Variants in RAB11FIP2 observed in about 807,000 individuals in gnomAD.
RAB11FIP2 encodes rab11 family-interacting protein 2.
In RAB11FIP2, 16 loss-of-function variants were observed where a neutral mutation model predicts 40.9. The ratio of observed to expected loss-of-function variants is 0.39; its 90% CI spans 0.26 to 0.59. The LOEUF (loss-of-function observed/expected upper bound fraction) is 0.59, where lower values mean the gene tolerates loss of function less well. Among genes scored for constraint, RAB11FIP2 ranks in the 20% least tolerant of loss-of-function variants. The pLI is 0.53. For missense variants in RAB11FIP2, 532 were observed against 606.2 expected, an observed-to-expected ratio of 0.88 and a Z score of 1.28; for synonymous variants, 228 against 213.7, an observed-to-expected ratio of 1.07 and a Z score of -0.58.
intron 4 of RAB11FIP2, among the ~76,000 whole-genome samples, chr10:118,012,772 A>G (rs1330073171): frequency 6.6e-6 from 1 of 152,058 alleles, no homozygotes; most frequent in African/African-American, 2.4e-5. Context: ...AAAGTGCTCA[A>G]TATTTTTTCT....
rs1846539793 is a variant in RAB11FIP2 at position 118,040,344 on chromosome 10, T to C, written c.575A>G (p.His192Arg). 6.2e-7 allele frequency: 1 copy of C among 1,613,874 alleles called. No individual in the cohort carries two copies. Among genetic ancestry groups the C allele is most frequent in the Non-Finnish European group, 8.5e-7 (1 of 1,179,782 alleles). The change falls in exon 2 of 5, where the codon CAC becomes CGC. Residue 192 changes from histidine to arginine, a missense_variant. His to Arg is a conservative substitution (Grantham distance 29). Transcript: ENST00000355624. ...AAATTCACTATTGGCATCGGGCATG[T>C]GAGTACTTGGAATGATTGCAGAAGA... ...DTSSAIIPST[H>R]MPDANSEFSS...
intron 4 of RAB11FIP2, among the ~76,000 whole-genome samples, chr10:118,012,799 GA>G (rs1846173680): frequency 1.3e-5 from 2 of 152,044 alleles, no homozygotes; most frequent in Admixed American, 6.6e-5. Context: ...ACTCCATACA[GA>G]CAGCACTTAT....
chr10:118,034,356 T>TAA (rs56136005), intron 3 of RAB11FIP2, among the ~76,000 whole-genome samples: 3,790 of 145,702 alleles, frequency 0.026, 68 homozygotes, highest in Middle Eastern at 0.05. Context: ...ATGTCCTAGT[T>TAA]AAAAAAAAAA....
At chr10:118,018,751 G>T (rs1846249886) in intron 3 of RAB11FIP2, among the ~76,000 whole-genome samples, 1 of 152,128 alleles carries the variant, frequency 6.6e-6, no homozygotes, top group Non-Finnish European at 1.5e-5. Flanking sequence ...AAAGAGATAA[G>T]AAATAAATCA....
At chr10:118,039,527 A>G (rs1026207001) in intron 2 of RAB11FIP2, 87 bp from the exon 3 acceptor site, 26 of 1,150,860 alleles carry the variant, frequency 2.3e-5, no homozygotes, top group Non-Finnish European at 3.1e-5. Flanking sequence ...TGCTGCTTTT[A>G]GAATGAGAGC....
At chr10:118,042,739 T>C (rs1846577124) in intron 1 of RAB11FIP2, among the ~76,000 whole-genome samples, 1 of 152,170 alleles carries the variant, frequency 6.6e-6, no homozygotes, top group Non-Finnish European at 1.5e-5. Context: ...CTTGTTTTTT[T>C]AGTAGGAAAC....
At chr10:118,015,146 A>C (rs753519619) in intron 3 of RAB11FIP2, 36 bp from the exon 4 acceptor site, 1 of 1,551,442 alleles carries the variant, frequency 6.4e-7, no homozygotes, top group South Asian at 1.2e-5. Flanking sequence ...AAGTGTCATA[A>C]CTCATGTGGG....
At chr10:118,035,375 T>C (rs942442276) in intron 3 of RAB11FIP2, among the ~76,000 whole-genome samples, 2 of 152,100 alleles carry the variant, frequency 1.3e-5, no homozygotes, top group Admixed American at 6.6e-5. Flanking sequence ...TAGTAATCCT[T>C]TAAAACTTAG....
At position 118,007,150 on chromosome 10, in the gene RAB11FIP2, A is replaced by G. The variant is rs1218991126; in HGVS notation, c.*1848T>C. ...GAATTTTGTAACATTTAGTTAATTA[A>G]AAGTGGCACCATGTTTAAAAAAAAA... On this transcript the variant is annotated 3_prime_UTR_variant, in exon 5 of 5. Transcript: ENST00000355624. The G allele has an allele frequency of 2.0e-5, 3 of 152,108 alleles. No individual in the cohort carries two copies. In the East Asian group the frequency reaches 5.8e-4, roughly 29 times the overall value. The allele number at this position is 152,108 out of a possible 1,614,324, so 9.4% of individuals were successfully genotyped here.
intron 3 of RAB11FIP2, among the ~76,000 whole-genome samples, chr10:118,015,950 ATATG>A (rs1398802029): frequency 6.6e-6 from 1 of 152,248 alleles, no homozygotes; most frequent in Non-Finnish European, 1.5e-5. Context: ...CAACTGTAAA[ATATG>A]TATGTTTTCA....
Position 118,009,308 on chromosome 10 carries a change from G to T in RAB11FIP2, c.1312-83C>A. Reference sequence around the variant, plus strand: ...GAATTACCTGGAACTTCGACTTTTTGTTTTTCAAACCCTGATGAAGTTTTT... The same window carrying T: ...GAATTACCTGGAACTTCGACTTTTTTTTTTTCAAACCCTGATGAAGTTTTT... On this transcript the variant is annotated intron_variant, in intron 4 of 4. Transcript: ENST00000355624. 3 of 1,315,222 alleles carry T rather than the reference G, an allele frequency of 2.3e-6. No individual in the cohort carries two copies. In the South Asian group the frequency reaches 4.2e-5, roughly 18 times the overall value. 81.5% of individuals were successfully genotyped at this position (1,315,222 alleles called of 1,614,324 possible).
chr10:118,040,909 G>A (rs779171225), intron 1 of RAB11FIP2, among the ~76,000 whole-genome samples: 2 of 151,656 alleles, frequency 1.3e-5, no homozygotes, highest in Admixed American at 6.6e-5. Context: ...TGTTGCTCAC[G>A]GCCTAAGGAC....
chr10:118,041,942 G>A (rs1377886708), intron 1 of RAB11FIP2, among the ~76,000 whole-genome samples: 1 of 151,986 alleles, frequency 6.6e-6, no homozygotes, highest in Non-Finnish European at 1.5e-5. Context: ...TAAGGCAAAT[G>A]GTAAAATCTG....
intron 3 of RAB11FIP2, among the ~76,000 whole-genome samples, chr10:118,019,139 T>G (rs1215973566): frequency 6.6e-6 from 1 of 152,088 alleles, no homozygotes. Flanking sequence ...CAATGAGAAG[T>G]CACATAACAA....
At chr10:118,024,720 C>T (rs1846322674) in intron 3 of RAB11FIP2, among the ~76,000 whole-genome samples, 1 of 152,114 alleles carries the variant, frequency 6.6e-6, no homozygotes, top group Admixed American at 6.5e-5. Context: ...CAAGGCATCC[C>T]TGGTCCCTGT....
At chr10:118,010,337 T>C (rs554573120) in intron 4 of RAB11FIP2, among the ~76,000 whole-genome samples, 3 of 152,144 alleles carry the variant, frequency 2.0e-5, no homozygotes, top group Non-Finnish European at 4.4e-5. Context: ...AACTAAAATA[T>C]TGAGGAAATT....
intron 3 of RAB11FIP2, chr10:118,033,930 C>T (rs1035496220): frequency 1.7e-5 from 12 of 700,828 alleles, no homozygotes; most frequent in East Asian, 1.6e-4. Flanking sequence ...GGCTATTCCT[C>T]GTCAGGTGGG....
intron 3 of RAB11FIP2, among the ~76,000 whole-genome samples, chr10:118,034,269 A>G (rs532225039): frequency 6.6e-6 from 1 of 152,190 alleles, no homozygotes; most frequent in East Asian, 1.9e-4. Context: ...TAAGAGTGTT[A>G]AGAGGACATT....
chr10:118,011,400 C>T (rs4752140), intron 4 of RAB11FIP2, among the ~76,000 whole-genome samples: 7,140 of 152,080 alleles, frequency 0.047, 404 homozygotes, highest in East Asian at 0.17. Flanking sequence ...CGCACACACA[C>T]ACACACACTC....
Sources: gnomAD v4.1 joint callset for allele counts (sites outside exome capture counted in the v4.1 genomes callset) on GRCh38, gnomAD v4.1.1 for gene constraint, MANE v1.5 for transcripts, NCBI Gene and HGNC (gene_info 2026-07-23, HGNC 2026-07-21) for gene names.